CARMIL3: variants seen among roughly 807,000 people sequenced by gnomAD.
CARMIL3 encodes the protein capping protein regulator and myosin 1 linker 3, also known as capping protein, Arp2/3 and myosin-I linker protein 3.
CARMIL3 carries 88 observed loss-of-function variants against 180.8 expected under a neutral mutation model. That is an observed-to-expected ratio of 0.49 (90% CI 0.41 to 0.58). The LOEUF is 0.58. Among genes scored for constraint, CARMIL3 ranks in the 20% least tolerant of loss-of-function variants. The pLI is 0.00. For missense variants in CARMIL3, 1,548 were observed against 1,787.0 expected, an observed-to-expected ratio of 0.87 and a Z score of 2.41; for synonymous variants, 696 against 714.5, an observed-to-expected ratio of 0.97 and a Z score of 0.41.
rs1465776647 is a variant in CARMIL3, at chr14:24,069,617, T to TGC, written c.*214_*215dup. The TGC allele has an allele frequency of 6.6e-6, 4 of 602,754 alleles. No individual in the cohort carries two copies. The East Asian group carries it at 1.1e-4, about 17-fold the overall frequency. The allele number at this position is 602,754 out of a possible 1,614,324, so 37.3% of individuals were successfully genotyped here. A position where few individuals can be genotyped will look rare whatever the true frequency, so the allele number is the denominator to read the frequency against. On this transcript the variant is annotated 3_prime_UTR_variant, in exon 40 of 40. Coordinates refer to ENST00000342740, the MANE Select transcript of CARMIL3 (RefSeq NM_138360.4). ...CAGTGCCTGCCTCGATACCTCTCTC[T>TGC]GCAGAGAGCTTCTGGGTGGGGGCTT...
chr14:24,060,836 G>A, intron 25 of CARMIL3, 80 bp downstream of exon 25: 1 of 1,560,168 alleles, frequency 6.4e-7, no homozygotes, highest in Non-Finnish European at 8.7e-7. Flanking sequence ...TGACAGCCCT[G>A]CCCTGTGCAT....
In CARMIL3 at chr14:24,068,976, C is replaced by G; in HGVS notation, c.3982+10C>G. 1 of 1,546,544 alleles carries G rather than the reference C, an allele frequency of 6.5e-7. No homozygotes were observed. The highest frequency in any genetic ancestry group is 1.2e-5 in the South Asian group (1 of 84,174). On this transcript the variant is annotated intron_variant, in intron 38 of 39. Coordinates refer to ENST00000342740, the MANE Select transcript of CARMIL3 (RefSeq NM_138360.4). The stretch of plus-strand genomic sequence containing the variant: ...GAGCCCGAAGTCCAAGGTCTGCCAC[C>G]CTGGCTGAGTGGGGGGCTCAGGGCA...
rs1270879841 is a variant in CARMIL3, at chr14:24,065,215, A to G, written c.3338A>G (p.Glu1113Gly). 1 of 1,542,268 alleles carries G rather than the reference A, an allele frequency of 6.5e-7. No homozygotes were observed. Among genetic ancestry groups the G allele is most frequent in the Non-Finnish European group, 8.7e-7 (1 of 1,150,760 alleles). Residue 1113 changes from glutamate (E) to glycine (G), a missense_variant, in exon 33 of 40, where the codon GAG (glutamate) becomes GGG (glycine). Glu to Gly is a moderately conservative substitution (Grantham distance 98). Transcript: ENST00000342740. ...TCTCCCTGCTGGAGCCCAGAGGAGGAGAGCAGCCTCCTCCCTGGATTTGGT... is the reference window on the plus strand; with the variant it reads ...TCTCCCTGCTGGAGCCCAGAGGAGGGGAGCAGCCTCCTCCCTGGATTTGGT... ...NSSPCWSPEE[E>G]SSLLPGFGGG...
At chr14:24,065,340 C>G in intron 33 of CARMIL3, 67 bp downstream of exon 33, 1 of 1,363,080 alleles carries the variant, frequency 7.3e-7, no homozygotes, top group Non-Finnish European at 9.8e-7. Context: ...GTCTCCTACC[C>G]CACCCCAAGC....
Position 24,061,013 on chromosome 14 carries a change from G to A in CARMIL3, c.2277G>A (p.Val759=). Reference sequence around the variant, plus strand: ...GGCTGGAATCAGTAGCAAGTGAGGTGTCCAAAGCTGTGGACAAGGAGCTGC... The same window carrying A: ...GGCTGGAATCAGTAGCAAGTGAGGTATCCAAAGCTGTGGACAAGGAGCTGC... ...RQRLESVASE[V]SKAVDKELQV... Residue 759 remains valine, a synonymous_variant, in exon 26 of 40, where the codon GTG becomes GTA. Transcript: ENST00000342740. The surrounding 1 kb of genome is among the most constrained non-coding windows in gnomAD (Gnocchi z 4.1). 1 of 1,551,688 alleles carries A rather than the reference G, an allele frequency of 6.4e-7. No homozygotes were observed. Among genetic ancestry groups the A allele is most frequent in the Non-Finnish European group, 8.7e-7 (1 of 1,146,992 alleles).
At position 24,054,901 on chromosome 14, in the gene CARMIL3, G is replaced by A. The variant is rs1680868362; in HGVS notation, c.460+93G>A. The A allele has an allele frequency of 8.4e-6, 12 of 1,435,312 alleles. No individual in the cohort carries two copies. The highest frequency in any genetic ancestry group is 8.7e-6 in the Non-Finnish European group (9 of 1,036,806). The allele number at this position is 1,435,312 out of a possible 1,614,324, so 88.9% of individuals were successfully genotyped here. Reference sequence around the variant, plus strand: ...GCACAGGGTGTTGCCTGGGCGGGCGGGCTTTGCCTGCCTGAAGGACTCCCA... The same window carrying A: ...GCACAGGGTGTTGCCTGGGCGGGCGAGCTTTGCCTGCCTGAAGGACTCCCA... On this transcript the variant is annotated intron_variant, in intron 6 of 39. Coordinates refer to ENST00000342740, the MANE Select transcript of CARMIL3 (RefSeq NM_138360.4). The surrounding 1 kb of genome is among the most constrained non-coding windows in gnomAD (Gnocchi z 5.1).
Position 24,064,345 on chromosome 14 carries a change from A to G in CARMIL3, c.3079A>G (p.Ser1027Gly). Residue 1027 changes from serine to glycine, a missense_variant and splice_region_variant, in exon 32 of 40, where the codon AGC becomes GGC. Physicochemically the swap from Ser to Gly is moderately conservative, Grantham distance 56 (BLOSUM62 0). Coordinates refer to ENST00000342740, the MANE Select transcript of CARMIL3 (RefSeq NM_138360.4). Reference protein sequence around the residue: ...FSRRVLEESSSYPRTLRTVRP... With the variant: ...FSRRVLEESSGYPRTLRTVRP... ...CCGAAGGGTCCTGGAGGAAAGTTCT[A>G]GGTGTGATGCCTAAACACACTCCCA... is the stretch of plus-strand genomic sequence containing the variant. 1 of 1,604,954 alleles carries G rather than the reference A, an allele frequency of 6.2e-7. No individual in the cohort carries two copies.
rs540548470 is a variant in CARMIL3 at position 24,060,854 on chromosome 14, C to T, written c.2191-73C>T. On this transcript the variant is annotated intron_variant, in intron 25 of 39. Coordinates refer to ENST00000342740, the MANE Select transcript of CARMIL3 (RefSeq NM_138360.4). ...CAGCCCTGCCCTGTGCATCTGCCTT[C>T]CTAGCCCAGGGACCCCAGAGACCTA... 3.2e-6 allele frequency: 5 copies of T among 1,544,180 alleles called. No individual in the cohort carries two copies. In the Admixed American group the frequency reaches 5.8e-5, roughly 18 times the overall value.
At position 24,061,318 on chromosome 14, in the gene CARMIL3, C is replaced by T. The variant is rs553758873; in HGVS notation, c.2305-179C>T. ...TGTCTGTATGGTAGGGTGGAAGGAG[C>T]ACTGACCAGAAAGTGGGGAAGCCTT... is the stretch of plus-strand genomic sequence containing the variant. On this transcript the variant is annotated intron_variant, in intron 26 of 39. Coordinates refer to ENST00000342740, the MANE Select transcript of CARMIL3 (RefSeq NM_138360.4). The surrounding 1 kb of genome is among the most constrained non-coding windows in gnomAD (Gnocchi z 4.1). The T allele has an allele frequency of 5.2e-5, 35 of 672,008 alleles. No homozygotes were observed. The African/African-American group carries it at 5.3e-4, about 10-fold the overall frequency. 41.6% of individuals were successfully genotyped at this position (672,008 alleles called of 1,614,324 possible). A position where few individuals can be genotyped will look rare whatever the true frequency, so the allele number is the denominator to read the frequency against.
At chr14:24,060,290 G>A (rs72692157) in intron 24 of CARMIL3, 35 bp downstream of exon 24, 60,210 of 1,604,196 alleles carry the variant, frequency 0.038, 1,399 homozygotes, top group African/African-American at 0.1. Flanking sequence ...GGGCATACCC[G>A]GGGCATGCAG....
rs2035640636 is a variant in CARMIL3, at chr14:24,053,649, TGG to T, written c.41-58_41-57del. The T allele has an allele frequency of 1.1e-5, 14 of 1,295,402 alleles. No individual in the cohort carries two copies. In the South Asian group the frequency reaches 1.7e-4, roughly 16 times the overall value. The allele number at this position is 1,295,402 out of a possible 1,614,324, so 80.2% of individuals were successfully genotyped here. A position where few individuals can be genotyped will look rare whatever the true frequency, so the allele number is the denominator to read the frequency against. On this transcript the variant is annotated intron_variant, in intron 1 of 39. Coordinates refer to ENST00000342740, the MANE Select transcript of CARMIL3 (RefSeq NM_138360.4). ...GACCCTGCCTCTATCTGGAGAGCTC[TGG>T]GAGGTGGGGGTGGCCAGGGTAAGGT...
At position 24,053,962 on chromosome 14, in the gene CARMIL3, A is replaced by G. The variant is rs187565023; in HGVS notation, c.136-126A>G. 6.9e-4 allele frequency: 849 copies of G among 1,230,604 alleles called. 3 individuals carry two copies. The highest frequency in any genetic ancestry group is 3.3e-3 in the Middle Eastern group (12 of 3,666). 76.2% of individuals were successfully genotyped at this position (1,230,604 alleles called of 1,614,324 possible). ...GCAGGGCTGGACTGTGTTGATGTCCAGAAGTCTAGGGTAGGGCATCGGGTT... is the reference window on the plus strand; with the variant it reads ...GCAGGGCTGGACTGTGTTGATGTCCGGAAGTCTAGGGTAGGGCATCGGGTT... On this transcript the variant is annotated intron_variant, in intron 2 of 39. Transcript: ENST00000342740.
rs1301911407 is a variant in CARMIL3, at chr14:24,069,141, C to T, written c.3987C>T (p.Pro1329=). ...QDQEEPEVQG[P]PDPGRRTAPL... ...CTGCCTTGATTGTTATTTCAGGGCC[C>T]CCTGATCCAGGCCGGCGGACTGCCC... is the stretch of plus-strand genomic sequence containing the variant. Residue 1329 remains proline (P), a synonymous_variant, in exon 39 of 40, where the codon CCC becomes CCT. Coordinates refer to ENST00000342740, the MANE Select transcript of CARMIL3 (RefSeq NM_138360.4). 22 of 1,613,896 alleles carry T rather than the reference C, an allele frequency of 1.4e-5. No homozygotes were observed. The highest frequency in any genetic ancestry group is 3.3e-5 in the Admixed American group (2 of 60,004).
intron 10 of CARMIL3, 110 bp from the exon 11 acceptor site, chr14:24,056,189 C>A: frequency 1.2e-6 from 1 of 837,224 alleles, no homozygotes; most frequent in Admixed American, 2.4e-5. Context: ...GTTGTGGGGG[C>A]CTCTGACCAT....
rs531623651 is a variant in CARMIL3 at position 24,069,434 on chromosome 14, G to A, written c.*30G>A. On this transcript the variant is annotated 3_prime_UTR_variant, in exon 40 of 40. Coordinates refer to ENST00000342740, the MANE Select transcript of CARMIL3 (RefSeq NM_138360.4). ...TGCCACAACACCCTCCTCAGCCCTC[G>A]ACATGTGCCTCGCAAGGACTCAGAC... is the stretch of plus-strand genomic sequence containing the variant. 15 of 1,613,940 alleles carry A rather than the reference G, an allele frequency of 9.3e-6. No homozygotes were observed. The highest frequency in any genetic ancestry group is 8.8e-5 in the South Asian group (8 of 91,062).
intron 33 of CARMIL3, 45 bp downstream of exon 33, chr14:24,065,318 A>T: frequency 6.9e-7 from 1 of 1,449,092 alleles, no homozygotes; most frequent in Non-Finnish European, 9.1e-7. Flanking sequence ...TTCCTGCCCC[A>T]CACTTAACCC....
chr14:24,060,637 C>T lies in CARMIL3; in HGVS notation c.2071C>T (p.Arg691Trp), dbSNP rs747721807. The T allele has an allele frequency of 1.2e-5, 20 of 1,613,688 alleles. No homozygotes were observed. The highest frequency in any genetic ancestry group is 1.6e-4 in the Middle Eastern group (1 of 6,074). Reference protein sequence around the residue: ...VTSSAEQMLQRLCGRVQEEVR... With the variant: ...VTSSAEQMLQWLCGRVQEEVR... The stretch of plus-strand genomic sequence containing the variant: ...TGCCACTGTGCTCCAGATGCTGCAG[C>T]GGCTGTGTGGACGAGTGCAGGAGGA... The change falls in exon 25 of 40, where the codon CGG (arginine) becomes TGG (tryptophan). Residue 691 changes from arginine (R) to tryptophan (W), a missense_variant. Physicochemically the swap from Arg to Trp is moderately radical, Grantham distance 101. Coordinates refer to ENST00000342740, the MANE Select transcript of CARMIL3 (RefSeq NM_138360.4).
At chr14:24,060,781 C>T (rs1397921792) in intron 25 of CARMIL3, 25 bp downstream of exon 25, 1 of 1,608,552 alleles carries the variant, frequency 6.2e-7, no homozygotes, top group Admixed American at 1.7e-5. Context: ...GGCTACCCTT[C>T]CCCTGAAGTC....
chr14:24,056,778 T>C, intron 12 of CARMIL3, 70 bp downstream of exon 12: 1 of 1,537,850 alleles, frequency 6.5e-7, no homozygotes, highest in Non-Finnish European at 9.0e-7. Flanking sequence ...GCTCCAGAGG[T>C]ACACCCACAC....
Sources: allele counts gnomAD v4.1 joint callset, GRCh38; gene constraint gnomAD v4.1.1; non-coding constraint Gnocchi (gnomAD v3.1); transcripts MANE v1.5; gene names NCBI Gene and HGNC (gene_info 2026-07-23, HGNC 2026-07-21).